Variants in WDR7 observed in about 807,000 individuals in gnomAD.
WDR7 encodes the protein WD repeat-containing protein 7.
WDR7 carries 46 observed loss-of-function variants against 169.4 expected under a neutral mutation model. The observed-to-expected ratio is 0.27, with a 90% CI of 0.21 to 0.35. The LOEUF (loss-of-function observed/expected upper bound fraction) is 0.35. Among genes scored for constraint, WDR7 ranks in the 10% least tolerant of loss-of-function variants. The pLI is 1.00. For missense variants in WDR7, 1,534 were observed against 1,859.3 expected, an observed-to-expected ratio of 0.83 and a Z score of 3.22; for synonymous variants, 612 against 666.8, an observed-to-expected ratio of 0.92 and a Z score of 1.27.
chr18:56,805,875 CA>C (rs961568801), intron 19 of WDR7, among the ~76,000 whole-genome samples: 4 of 152,126 alleles, frequency 2.6e-5, no homozygotes, highest in African/African-American at 9.7e-5. Flanking sequence ...GCTCTAGCCT[CA>C]AATGTTTTAT....
chr18:56,715,121 T>C (rs889851997), intron 12 of WDR7, among the ~76,000 whole-genome samples: 1 of 152,162 alleles, frequency 6.6e-6, no homozygotes, highest in Non-Finnish European at 1.5e-5. Context: ...GGGTTGATAA[T>C]GCGGAAGGTC....
intron 1 of WDR7, among the ~76,000 whole-genome samples, chr18:56,666,395 G>A (rs1406927508): frequency 6.6e-6 from 1 of 151,600 alleles, no homozygotes; most frequent in Non-Finnish European, 1.5e-5. Context: ...TAGAGACGGG[G>A]TTTCTCCATT....
chr18:56,741,751 C>T (rs560965150), intron 14 of WDR7, among the ~76,000 whole-genome samples: 51 of 152,254 alleles, frequency 3.3e-4, no homozygotes, highest in Middle Eastern at 3.4e-3. Flanking sequence ...CATTACATTA[C>T]GGAACAAAAC....
rs368573858 is a variant in WDR7 at position 56,758,743 on chromosome 18, GA to G, written c.2760-118del. The G allele has an allele frequency of 4.0e-4, 261 of 652,806 alleles. No homozygotes were observed. The African/African-American group carries it at 4.6e-3, about 11-fold the overall frequency. 40.4% of individuals were successfully genotyped at this position (652,806 alleles called of 1,614,324 possible). The stretch of plus-strand genomic sequence containing the variant: ...AAAAATCTTTCTGGAATGGTAAATT[GA>G]AAATGTTCTATATATGTTTCTTTTG... On this transcript the variant is annotated intron_variant, in intron 15 of 27. Coordinates refer to ENST00000254442, the MANE Select transcript of WDR7 (RefSeq NM_015285.3).
At chr18:56,920,455 C>G (rs746926640) in intron 21 of WDR7, among the ~76,000 whole-genome samples, 4 of 151,956 alleles carry the variant, frequency 2.6e-5, no homozygotes, top group Non-Finnish European at 5.9e-5. Context: ...CTCTTTTTTT[C>G]CCTAGCACAT....
At chr18:56,851,628 G>A (rs376130320) in intron 20 of WDR7, among the ~76,000 whole-genome samples, 1 of 152,110 alleles carries the variant, frequency 6.6e-6, no homozygotes, top group South Asian at 2.1e-4. Context: ...CATTGACCTA[G>A]ACCAAGATTT....
At chr18:56,993,008 TC>T (rs1397024449) in intron 26 of WDR7, among the ~76,000 whole-genome samples, 3 of 152,196 alleles carry the variant, frequency 2.0e-5, no homozygotes, top group Non-Finnish European at 4.4e-5. Context: ...CCTAACATTT[TC>T]TGAAATTCTA....
At chr18:56,785,256 G>A (rs1023576158) in intron 19 of WDR7, among the ~76,000 whole-genome samples, 1 of 152,102 alleles carries the variant, frequency 6.6e-6, no homozygotes, top group Non-Finnish European at 1.5e-5. Context: ...TACTGAAATC[G>A]CCTCTACCAT....
intron 26 of WDR7, among the ~76,000 whole-genome samples, chr18:57,007,984 C>G (rs1469059514): frequency 1.3e-5 from 2 of 152,134 alleles, no homozygotes; most frequent in African/African-American, 4.8e-5. Context: ...CCCAAATCTG[C>G]CTTTCTTTTC....
chr18:56,888,573 C>T (rs908783269), intron 21 of WDR7, among the ~76,000 whole-genome samples: 6 of 152,328 alleles, frequency 3.9e-5, no homozygotes, highest in Admixed American at 2.0e-4. Flanking sequence ...CAGCACACTT[C>T]AGTGGAGATC....
chr18:56,862,599 A>G (rs1295492120), intron 20 of WDR7, among the ~76,000 whole-genome samples: 1 of 151,870 alleles, frequency 6.6e-6, no homozygotes, highest in Non-Finnish European at 1.5e-5. Context: ...AATATAAAAT[A>G]AAACCCTGTC....
chr18:56,765,225 G>A (rs112437506), intron 16 of WDR7, among the ~76,000 whole-genome samples: 1 of 151,914 alleles, frequency 6.6e-6, no homozygotes, highest in African/African-American at 2.4e-5. Context: ...TGCATAAGCC[G>A]TTTACATTTA....
At position 57,003,658 on chromosome 18, in the gene WDR7, G is replaced by C. The variant is rs17062364; in HGVS notation, c.4165-17087G>C. On this transcript the variant is annotated intron_variant, in intron 26 of 27. Transcript: ENST00000254442. ...ATTAGATGCAAAATGTAATGATTTG[G>C]ATCACACGAATCTTTCAGTAAATAT... 8.6e-3 allele frequency among the ~76,000 whole-genome samples: 1,303 copies of C among 152,086 alleles called. 16 individuals carry two copies. Among genetic ancestry groups the C allele is most frequent in the African/African-American group, 0.03 (1,234 of 41,494 alleles).
At chr18:57,015,542 G>T (rs1206351366) in intron 26 of WDR7, among the ~76,000 whole-genome samples, 1 of 152,086 alleles carries the variant, frequency 6.6e-6, no homozygotes, top group Non-Finnish European at 1.5e-5. Context: ...AGAGCTGTCA[G>T]TCAGAGCGAT....
intron 23 of WDR7, among the ~76,000 whole-genome samples, chr18:56,936,399 C>T (rs916796468): frequency 2.0e-5 from 3 of 152,138 alleles, no homozygotes; most frequent in Non-Finnish European, 2.9e-5. Context: ...AACTAATTGC[C>T]CACATCTAAC....
At chr18:56,779,639 CTGATT>C in intron 18 of WDR7, 90 bp downstream of exon 18, 1 of 934,308 alleles carries the variant, frequency 1.1e-6, no homozygotes, top group East Asian at 2.7e-5. Flanking sequence ...TACTGTTTAT[CTGATT>C]TATCATCTGT....
rs1334211563 is a variant in WDR7 at position 56,682,821 on chromosome 18, C to G, written c.488C>G (p.Ser163Cys). The change falls in exon 5 of 28, where the codon TCC becomes TGC. Residue 163 changes from serine (S) to cysteine (C), a missense_variant. Coordinates refer to ENST00000254442, the MANE Select transcript of WDR7 (RefSeq NM_015285.3). ...AAGATATCACCAGACTGGATTAGCT[C>G]CATGAGTATTATTCGATCCCACCGA... ...VSKISPDWIS[S>C]MSIIRSHRTQ... The G allele has an allele frequency of 3.8e-5, 61 of 1,613,558 alleles. No homozygotes were observed. Among genetic ancestry groups the G allele is most frequent in the Non-Finnish European group, 5.0e-5 (59 of 1,179,752 alleles).
At chr18:56,824,152 T>G (rs914509592) in intron 20 of WDR7, among the ~76,000 whole-genome samples, 1 of 152,214 alleles carries the variant, frequency 6.6e-6, no homozygotes, top group Non-Finnish European at 1.5e-5. Flanking sequence ...TGATTCATAC[T>G]TTGCATGTGC....
chr18:56,985,184 T>C (rs368065173), intron 26 of WDR7, among the ~76,000 whole-genome samples: 1 of 152,198 alleles, frequency 6.6e-6, no homozygotes, highest in African/African-American at 2.4e-5. Context: ...GTACTTTTAA[T>C]AGCTACTTCT....
Sources: allele counts gnomAD v4.1 joint callset (sites outside exome capture counted in the v4.1 genomes callset), GRCh38; gene constraint gnomAD v4.1.1; transcripts MANE v1.5; gene names NCBI Gene and HGNC (gene_info 2026-07-23, HGNC 2026-07-21).